Variants in STARD3NL observed in about 807,000 individuals in gnomAD.
STARD3NL encodes STARD3 N-terminal-like protein.
In STARD3NL, 17 loss-of-function variants were observed where a neutral mutation model predicts 30.9. The ratio of observed to expected loss-of-function variants is 0.55; its 90% CI spans 0.38 to 0.82. The LOEUF (loss-of-function observed/expected upper bound fraction) is 0.82. Among genes scored for constraint, STARD3NL ranks in the 40% least tolerant of loss-of-function variants. The pLI, the probability that STARD3NL is intolerant of heterozygous loss-of-function variation, is 0.00. For missense variants in STARD3NL, 234 were observed against 277.6 expected (o/e 0.84, Z 1.12); for synonymous variants, 112 against 100.5 (o/e 1.11, Z -0.69).
intron 1 of STARD3NL, among the ~76,000 whole-genome samples, chr7:38,195,502 C>T (rs1281170631): frequency 6.6e-6 from 1 of 152,132 alleles, no homozygotes; most frequent in East Asian, 1.9e-4. Flanking sequence ...CCTCCTCTGA[C>T]TTTTATTGGT....
intron 8 of STARD3NL, 75 bp from the exon 9 acceptor site, chr7:38,229,848 A>C (rs961408446): frequency 6.6e-6 from 1 of 150,496 alleles, no homozygotes; most frequent in Non-Finnish European, 1.5e-5. Context: ...ACTTTTATGT[A>C]CATGTAAGGT....
chr7:38,221,961 A>G, intron 7 of STARD3NL, among the ~76,000 whole-genome samples: 1 of 151,966 alleles, frequency 6.6e-6, no homozygotes, highest in East Asian at 1.9e-4. Flanking sequence ...TACCCTTCCC[A>G]TCGCTCCCGG....
intron 2 of STARD3NL, among the ~76,000 whole-genome samples, chr7:38,214,006 C>T (rs550055846): frequency 4.3e-4 from 66 of 152,260 alleles, no homozygotes; most frequent in East Asian, 4.2e-3. Context: ...TAAGGTAGTC[C>T]TGGATAAAGG....
At chr7:38,224,352 TC>T (rs1786634097) in intron 7 of STARD3NL, among the ~76,000 whole-genome samples, 1 of 152,248 alleles carries the variant, frequency 6.6e-6, no homozygotes, top group Non-Finnish European at 1.5e-5. Context: ...GTGGCAAGTT[TC>T]TGTTTAACTT....
At position 38,217,325 on chromosome 7, in the gene STARD3NL, A is replaced by G; in HGVS notation, c.553+20A>G. 6.2e-7 allele frequency: 1 copy of G among 1,609,728 alleles called. No homozygotes were observed. Among genetic ancestry groups the G allele is most frequent in the East Asian group, 2.2e-5 (1 of 44,858 alleles). On this transcript the variant is annotated intron_variant, in intron 6 of 8. Coordinates refer to ENST00000009041, the MANE Select transcript of STARD3NL (RefSeq NM_032016.4). ...AAAACAGTAAGTTCCTCTCAAAGTC[A>G]GCCTCCTGAGGCGGACTGGATACCA...
chr7:38,201,474 C>T (rs370118410), intron 1 of STARD3NL, among the ~76,000 whole-genome samples: 1 of 151,998 alleles, frequency 6.6e-6, no homozygotes, highest in East Asian at 1.9e-4. Flanking sequence ...ATTTAATTTC[C>T]TTGAAAATGA....
chr7:38,225,187 T>C (rs1156506811), intron 7 of STARD3NL, among the ~76,000 whole-genome samples: 2 of 152,198 alleles, frequency 1.3e-5, no homozygotes, highest in African/African-American at 4.8e-5. Context: ...GCCATATTTT[T>C]AATTGTGTTT....
chr7:38,216,395 G>A (rs1003284158), intron 4 of STARD3NL: 9 of 152,184 alleles, frequency 5.9e-5, no homozygotes, highest in East Asian at 1.9e-4. Flanking sequence ...CTTAGTGTGA[G>A]CCTGTAAAGT....
rs777617862 is a variant in STARD3NL, at chr7:38,217,169, T to C, written c.436-19T>C. The stretch of plus-strand genomic sequence containing the variant: ...AGTTTGTGGTAACTGCATTTCCCTT[T>C]CCTGGTCGTATTTTCCAGCTTTTCT... On this transcript the variant is annotated intron_variant, in intron 5 of 8. Transcript: ENST00000009041. 2 of 1,613,948 alleles carry C rather than the reference T, an allele frequency of 1.2e-6. No homozygotes were observed. The highest frequency in any genetic ancestry group is 1.7e-5 in the Admixed American group (1 of 60,006).
intron 1 of STARD3NL, among the ~76,000 whole-genome samples, chr7:38,194,745 C>T (rs909554021): frequency 2.0e-5 from 3 of 151,894 alleles, no homozygotes; most frequent in South Asian, 4.2e-4. Context: ...AGATTTATTA[C>T]GTGTTTTTTG....
chr7:38,218,423 T>C (rs1333957413), intron 6 of STARD3NL, among the ~76,000 whole-genome samples: 2 of 152,210 alleles, frequency 1.3e-5, no homozygotes, highest in Non-Finnish European at 2.9e-5. Flanking sequence ...GTGCCGTCTA[T>C]TCCTTTGTGA....
chr7:38,199,291 A>G (rs1343293007), intron 1 of STARD3NL, among the ~76,000 whole-genome samples: 2 of 152,204 alleles, frequency 1.3e-5, no homozygotes, highest in African/African-American at 4.8e-5. Context: ...TGAATATTTA[A>G]TACTTCTGAA....
At chr7:38,200,302 G>C (rs759404055) in intron 1 of STARD3NL, among the ~76,000 whole-genome samples, 1 of 152,136 alleles carries the variant, frequency 6.6e-6, no homozygotes, top group Non-Finnish European at 1.5e-5. Flanking sequence ...GTATCACCTG[G>C]CTGAATGTAC....
At chr7:38,187,909 C>G (rs75846576) in intron 1 of STARD3NL, among the ~76,000 whole-genome samples, 1,874 of 152,192 alleles carry the variant, frequency 0.012, 50 homozygotes, top group African/African-American at 0.043. Flanking sequence ...TGTTTTAGTC[C>G]TCATTTTCTC....
intron 1 of STARD3NL, among the ~76,000 whole-genome samples, chr7:38,203,244 T>C (rs2116183963): frequency 6.6e-6 from 1 of 152,266 alleles, no homozygotes; most frequent in South Asian, 2.1e-4. Context: ...AAAGGTCGGG[T>C]TACCCACAAA....
At chr7:38,220,062 T>G (rs1265012816) in intron 7 of STARD3NL, among the ~76,000 whole-genome samples, 1 of 152,218 alleles carries the variant, frequency 6.6e-6, no homozygotes, top group Non-Finnish European at 1.5e-5. Flanking sequence ...CCCGTTCTTA[T>G]GGCTCACATC....
intron 1 of STARD3NL, among the ~76,000 whole-genome samples, chr7:38,181,952 C>T (rs1784265763): frequency 6.6e-6 from 1 of 152,150 alleles, no homozygotes; most frequent in South Asian, 2.1e-4. Context: ...CCTCTAAGTC[C>T]ACTCAAATGC....
chr7:38,197,136 T>TTTTTTC (rs377342892), intron 1 of STARD3NL, among the ~76,000 whole-genome samples: 9 of 112,378 alleles, frequency 8.0e-5, no homozygotes, highest in African/African-American at 3.1e-4. Flanking sequence ...GCATTACCTT[T>TTTTTTC]TTTCTTTCTT....
intron 7 of STARD3NL, among the ~76,000 whole-genome samples, chr7:38,220,002 G>C (rs1270851628): frequency 6.6e-6 from 1 of 152,174 alleles, no homozygotes; most frequent in African/African-American, 2.4e-5. Context: ...TGGCAGCACT[G>C]TCCAGCCAGT....
Sources: allele counts gnomAD v4.1 joint callset (sites outside exome capture counted in the v4.1 genomes callset), GRCh38; gene constraint gnomAD v4.1.1; transcripts MANE v1.5; gene names NCBI Gene and HGNC (gene_info 2026-07-23, HGNC 2026-07-21).